Variants in SLC12A5 observed in about 807,000 individuals in gnomAD.
The protein encoded by SLC12A5 is K-Cl cotransporter 2.
SLC12A5 carries 18 observed loss-of-function variants against 124.0 expected under a neutral mutation model. The ratio of observed to expected loss-of-function variants is 0.15; its 90% CI spans 0.10 to 0.22. The LOEUF is 0.22. Ranked by LOEUF, SLC12A5 falls within the 10% of genes least tolerant of loss-of-function variation. The pLI is 1.00. For missense variants in SLC12A5, 867 were observed against 1,478.7 expected, an observed-to-expected ratio of 0.59 and a Z score of 6.78; for synonymous variants, 589 against 568.0, an observed-to-expected ratio of 1.04 and a Z score of -0.53.
chr20:46,036,878 C>A (rs758833019), intron 5 of SLC12A5, 83 bp downstream of exon 5: 1 of 1,525,140 alleles, frequency 6.6e-7, no homozygotes, highest in Non-Finnish European at 9.1e-7. Context: ...GACATCAAGG[C>A]CCAAGAGAGA....
In SLC12A5 at chr20:46,053,134, G is replaced by T. The variant is rs1555867366; in HGVS notation, c.2547+8G>T. On this transcript the variant is annotated splice_region_variant and intron_variant, in intron 19 of 25. Coordinates refer to ENST00000243964, the MANE Select transcript of SLC12A5 (RefSeq NM_020708.5). The surrounding 1 kb of genome is among the most constrained non-coding windows in gnomAD (Gnocchi z 4.7). Reference sequence around the variant, plus strand: ...CTGCTGCGGCACCACAAGGTGAGTTGTGTGCGTGAGTGTATGCACGTGTGA... The same window carrying T: ...CTGCTGCGGCACCACAAGGTGAGTTTTGTGCGTGAGTGTATGCACGTGTGA... The T allele has an allele frequency of 1.2e-6, 2 of 1,605,250 alleles. No homozygotes were observed.
chr20:46,023,184 G>A (rs1416850344), intron 2 of SLC12A5: 1 of 397,696 alleles, frequency 2.5e-6, no homozygotes, highest in African/African-American at 2.1e-5. Flanking sequence ...CTGGAATTCC[G>A]AATGGCCCCA....
rs2084714899 is a variant in SLC12A5 at position 46,058,211 on chromosome 20, C to T, written c.*606C>T. ...GACTTCTCGCCATAGTCGAGCTCTCCCGCTGGGGGCACTGCGGGGAGGCGA... is the reference window on the plus strand; with the variant it reads ...GACTTCTCGCCATAGTCGAGCTCTCTCGCTGGGGGCACTGCGGGGAGGCGA... On this transcript the variant is annotated 3_prime_UTR_variant, in exon 26 of 26. Transcript: ENST00000243964. The surrounding 1 kb of genome is among the most constrained non-coding windows in gnomAD (Gnocchi z 5.8). 1 of 363,278 alleles carries T rather than the reference C, an allele frequency of 2.8e-6. No homozygotes were observed. The highest frequency in any genetic ancestry group is 7.0e-4 in the Middle Eastern group (1 of 1,426). The allele number at this position is 363,278 out of a possible 1,614,324, so 22.5% of individuals were successfully genotyped here.
At chr20:46,027,033 C>A (rs1478951624), upstream of SLC12A5, among the ~76,000 whole-genome samples, 1 of 152,252 alleles carries the variant, frequency 6.6e-6, no homozygotes, top group African/African-American at 2.4e-5. Flanking sequence ...TACAGCACTT[C>A]TCTGACAAAC....
intron 1 of SLC12A5, among the ~76,000 whole-genome samples, chr20:46,030,058 A>G (rs911061201): frequency 6.6e-6 from 1 of 151,768 alleles, no homozygotes; most frequent in East Asian, 1.9e-4. Flanking sequence ...CCAAGGTCCG[A>G]CCTCAGACTG....
At chr20:46,054,466 A>G (rs1166073171) in intron 20 of SLC12A5, among the ~76,000 whole-genome samples, 3 of 152,164 alleles carry the variant, frequency 2.0e-5, no homozygotes, top group Admixed American at 1.3e-4. Context: ...ATCTTGTCCA[A>G]CCATCCTCTC....
intron 10 of SLC12A5, 51 bp from the exon 11 acceptor site, chr20:46,043,825 G>A (rs2084569914): frequency 1.2e-6 from 2 of 1,612,916 alleles, no homozygotes; most frequent in Non-Finnish European, 1.7e-6. Flanking sequence ...CAGGAAGGGT[G>A]GGGAGGGGGA....
rs1181643809 is a variant in SLC12A5 at position 46,054,932 on chromosome 20, C to T, written c.2696C>T (p.Ser899Leu). The change falls in exon 21 of 26, where the codon TCA becomes TTA. Residue 899 changes from serine (S) to leucine (L), a missense_variant. This residue lies in a region of SLC12A5 where 70 missense variants were observed against 157.2 expected (regional missense o/e 0.45). Coordinates refer to ENST00000243964, the MANE Select transcript of SLC12A5 (RefSeq NM_020708.5). Reference sequence around the variant, plus strand: ...TGCCCACAGCATGAGAGCGACATCTCAGCTTACACCTATGAGAAGACGTTG... The same window carrying T: ...TGCCCACAGCATGAGAGCGACATCTTAGCTTACACCTATGAGAAGACGTTG... ...EVVEMHESDI[S>L]AYTYEKTLVM... 1 of 1,613,794 alleles carries T rather than the reference C, an allele frequency of 6.2e-7. No individual in the cohort carries two copies. Among genetic ancestry groups the T allele is most frequent in the Non-Finnish European group, 8.5e-7 (1 of 1,179,798 alleles).
At chr20:46,044,760 A>G (rs2084578722) in intron 11 of SLC12A5, 3 of 606,888 alleles carry the variant, frequency 4.9e-6, no homozygotes, top group Non-Finnish European at 8.6e-6. Context: ...ACAGGCCTAG[A>G]GGCCTGGTTT....
At chr20:46,047,900 G>A in intron 15 of SLC12A5, 81 bp from the exon 16 acceptor site, 1 of 1,316,980 alleles carries the variant, frequency 7.6e-7, no homozygotes, top group Admixed American at 2.0e-5. Context: ...CTCTGCCCTG[G>A]GGTAGCTGGT....
At position 46,031,814 on chromosome 20, in the gene SLC12A5, C is replaced by T. The variant is rs113206548; in HGVS notation, c.52+2418C>T. ...GGGGCGGGGAGGGCTCAGCCTCAGT[C>T]TGGCCCTGCCTCTCGCGCGCGCGCC... On this transcript the variant is annotated intron_variant, in intron 1 of 25. Coordinates refer to ENST00000243964, the MANE Select transcript of SLC12A5 (RefSeq NM_020708.5). Among the ~76,000 whole-genome samples, 232 of 152,350 alleles carry T rather than the reference C, an allele frequency of 1.5e-3. 1 individual carries two copies. Among genetic ancestry groups the T allele is most frequent in the African/African-American group, 5.5e-3 (227 of 41,588 alleles).
In SLC12A5 at chr20:46,051,670, C is replaced by A; in HGVS notation, c.2182-5C>A. ...GCTGGTCCTTGTCTTTTCCCCCTCCCCTAGTCTATCAGGCGCCTGATGGAG... is the reference window on the plus strand; with the variant it reads ...GCTGGTCCTTGTCTTTTCCCCCTCCACTAGTCTATCAGGCGCCTGATGGAG... On this transcript the variant is annotated splice_polypyrimidine_tract_variant and splice_region_variant and intron_variant, in intron 17 of 25. Coordinates refer to ENST00000243964, the MANE Select transcript of SLC12A5 (RefSeq NM_020708.5). 1.2e-6 allele frequency: 2 copies of A among 1,605,112 alleles called. No homozygotes were observed. Among genetic ancestry groups the A allele is most frequent in the Non-Finnish European group, 1.7e-6 (2 of 1,176,656 alleles).
chr20:46,048,065 C>A lies in SLC12A5; in HGVS notation c.1992C>A (p.Pro664=). ...CCCTCTTACGCCTGGAGGAAGGGCC[C>A]CCACACACCAAGAACTGGAGGTTAG... ...RYALLRLEEG[P]PHTKNWRPQL... The change falls in exon 16 of 26, where the codon CCC becomes CCA. Residue 664 remains proline, a synonymous_variant. Transcript: ENST00000243964. 6.2e-7 allele frequency: 1 copy of A among 1,612,284 alleles called. No homozygotes were observed. The highest frequency in any genetic ancestry group is 8.5e-7 in the Non-Finnish European group (1 of 1,179,192).
Position 46,057,581 on chromosome 20 carries a change from C to T in SLC12A5, c.3327C>T (p.Arg1109=). Residue 1109 remains arginine, a synonymous_variant, in exon 26 of 26, where the codon CGC becomes CGT. Coordinates refer to ENST00000243964, the MANE Select transcript of SLC12A5 (RefSeq NM_020708.5). This position sits in a 1 kb window ranked among gnomAD's most constrained non-coding sequence, Gnocchi z 7.1. Reference sequence around the variant, plus strand: ...TGATGCTGGTCCGCGGCGGCGGCCGCGAGGTCATCACCATCTACTCCTGAG... The same window carrying T: ...TGATGCTGGTCCGCGGCGGCGGCCGTGAGGTCATCACCATCTACTCCTGAG... The part of the protein sequence containing the change: ...DRVMLVRGGG[R]EVITIYS 1 of 1,613,902 alleles carries T rather than the reference C, an allele frequency of 6.2e-7. No homozygotes were observed. The highest frequency in any genetic ancestry group is 8.5e-7 in the Non-Finnish European group (1 of 1,179,932).
At chr20:46,048,111 A>C (rs1287276930) in intron 16 of SLC12A5, 26 bp downstream of exon 16, 2 of 1,584,448 alleles carry the variant, frequency 1.3e-6, no homozygotes, top group African/African-American at 1.3e-5. Context: ...ACGGGTGTGC[A>C]TAAGAGTGTG....
chr20:46,024,066 G>A (rs372844221), downstream of SLC12A5, among the ~76,000 whole-genome samples: 1 of 152,060 alleles, frequency 6.6e-6, no homozygotes, highest in East Asian at 1.9e-4. Flanking sequence ...CGCTGGGGTC[G>A]AAGTGAAACA....
At chr20:46,043,424 T>G (rs1239149671) in intron 9 of SLC12A5, 101 bp downstream of exon 9, 1 of 1,432,026 alleles carries the variant, frequency 7.0e-7, no homozygotes, top group Admixed American at 1.9e-5. Flanking sequence ...AACCCCATCA[T>G]GAAAGCAACC....
At position 46,056,835 on chromosome 20, in the gene SLC12A5, TTCC is replaced by T; in HGVS notation, c.3111-59_3111-57del. 8 of 1,565,290 alleles carry T rather than the reference TTCC, an allele frequency of 5.1e-6. No homozygotes were observed. The highest frequency in any genetic ancestry group is 7.0e-6 in the Non-Finnish European group (8 of 1,136,930). On this transcript the variant is annotated intron_variant, in intron 23 of 25. Transcript: ENST00000243964. The surrounding 1 kb of genome is among the most constrained non-coding windows in gnomAD (Gnocchi z 4.3). ...GACCATGGCCCAAGCCCCCAGTGTCTTCCTCTTTTTCTGACTCTGCTCTTTTTC... is the reference window on the plus strand; with the variant it reads ...GACCATGGCCCAAGCCCCCAGTGTCTTCTTTTTCTGACTCTGCTCTTTTTC...
intron 1 of SLC12A5, among the ~76,000 whole-genome samples, chr20:46,031,412 G>C (rs1026519543): frequency 2.6e-5 from 4 of 152,170 alleles, no homozygotes; most frequent in African/African-American, 9.6e-5. Context: ...GGTGCTTGGA[G>C]ATGGTAGTAG....
Sources: allele counts gnomAD v4.1 joint callset (sites outside exome capture counted in the v4.1 genomes callset), GRCh38; gene constraint gnomAD v4.1.1; regional missense constraint gnomAD v4.1.1; non-coding constraint Gnocchi (gnomAD v3.1); transcripts MANE v1.5; gene names NCBI Gene and HGNC (gene_info 2026-07-23, HGNC 2026-07-21).